Variants in PTPRG observed in about 807,000 individuals in gnomAD.
PTPRG encodes the protein receptor-type tyrosine-protein phosphatase gamma.
In PTPRG, 102 loss-of-function variants were observed where a neutral mutation model predicts 165.3. The ratio of observed to expected loss-of-function variants is 0.62; its 90% CI spans 0.53 to 0.73. The LOEUF (loss-of-function observed/expected upper bound fraction) is 0.73. Ranked by LOEUF, PTPRG falls within the 30% of genes least tolerant of loss-of-function variation. The pLI is 0.00. For synonymous variants in PTPRG, 675 were observed against 669.5 expected (o/e 1.01, Z -0.13); for missense variants, 1,866 against 1,861.4 (o/e 1.00, Z -0.05).
At chr3:61,580,759 A>G (rs969380362) in intron 1 of PTPRG, among the ~76,000 whole-genome samples, 2 of 152,368 alleles carry the variant, frequency 1.3e-5, no homozygotes, top group Non-Finnish European at 1.5e-5. Context: ...GGCTAAGAAT[A>G]AAATAAAAGG....
chr3:61,568,382 T>G (rs558279107), intron 1 of PTPRG, among the ~76,000 whole-genome samples: 35 of 152,294 alleles, frequency 2.3e-4, no homozygotes, highest in Non-Finnish European at 4.4e-4. Context: ...TGAAAAGGAT[T>G]GTTAGGTATA....
intron 1 of PTPRG, among the ~76,000 whole-genome samples, chr3:61,610,685 G>C (rs1380090976): frequency 6.6e-6 from 1 of 152,026 alleles, no homozygotes; most frequent in Non-Finnish European, 1.5e-5. Context: ...TTCACAGGTA[G>C]GTAGTTATTT....
At position 62,030,199 on chromosome 3, in the gene PTPRG, T is replaced by G. The variant is rs531664414; in HGVS notation, c.519+26702T>G. On this transcript the variant is annotated intron_variant, in intron 4 of 29. Coordinates refer to ENST00000474889, the MANE Select transcript of PTPRG (RefSeq NM_002841.4). ...AATGATGGGAAAATTTTCCCTGTGTTTTTTTTTTTTTTTAACTTAAGTCAG... is the reference window on the plus strand; with the variant it reads ...AATGATGGGAAAATTTTCCCTGTGTGTTTTTTTTTTTTTAACTTAAGTCAG... Among the ~76,000 whole-genome samples the G allele has an allele frequency of 1.6e-4, 8 of 50,906 alleles. No individual in the cohort carries two copies. The South Asian group carries it at 3.2e-3, about 20-fold the overall frequency. 33.4% of individuals were successfully genotyped at this position (50,906 alleles called of 152,430 possible).
chr3:62,287,397 G>A (rs903512338), intron 28 of PTPRG, among the ~76,000 whole-genome samples: 1 of 151,926 alleles, frequency 6.6e-6, no homozygotes, highest in South Asian at 2.1e-4. Flanking sequence ...TCATAATAGG[G>A]TATTAAAATA....
chr3:61,874,598 C>T (rs891770358), intron 2 of PTPRG, among the ~76,000 whole-genome samples: 4 of 152,164 alleles, frequency 2.6e-5, no homozygotes, highest in Middle Eastern at 3.4e-3. Context: ...GGTTGATTCC[C>T]AGCCAGGAAT....
intron 4 of PTPRG, among the ~76,000 whole-genome samples, chr3:62,062,617 A>G (rs349178): frequency 0.011 from 1,612 of 152,306 alleles, 34 homozygotes; most frequent in African/African-American, 0.036. Flanking sequence ...AGAAATTACA[A>G]TTATACTAAT....
intron 2 of PTPRG, among the ~76,000 whole-genome samples, chr3:61,954,586 C>T (rs139526658): frequency 7.9e-5 from 12 of 152,204 alleles, no homozygotes; most frequent in Non-Finnish European, 4.4e-5. Context: ...AAAAATGGCA[C>T]AGTATGAGCT....
Position 62,294,678 on chromosome 3 carries a change from G to T in PTPRG, c.*1371G>T, listed in dbSNP as rs535015627. ...TTAATAAGAAATTTCAGTAGTGTTT[G>T]TAAGGAAAATAAGCTACTTACTGAG... On this transcript the variant is annotated 3_prime_UTR_variant, in exon 30 of 30. Transcript: ENST00000474889. 19 of 152,206 alleles carry T rather than the reference G, an allele frequency of 1.2e-4. No individual in the cohort carries two copies. Among genetic ancestry groups the T allele is most frequent in the Admixed American group, 3.3e-4 (5 of 15,274 alleles). 9.4% of individuals were successfully genotyped at this position (152,206 alleles called of 1,614,324 possible). A position where few individuals can be genotyped will look rare whatever the true frequency, so the allele number is the denominator to read the frequency against.
chr3:61,833,081 G>GTGTGTGTGTGTGTGTT (rs1193408848), intron 2 of PTPRG, among the ~76,000 whole-genome samples: 1 of 152,054 alleles, frequency 6.6e-6, no homozygotes, highest in African/African-American at 2.4e-5. Flanking sequence ...GTGTGTGTGT[G>GTGTGTGTGTGTGTGTT]TGTGTGTGTG....
At chr3:61,564,314 C>G (rs1699851772) in intron 1 of PTPRG, among the ~76,000 whole-genome samples, 1 of 152,104 alleles carries the variant, frequency 6.6e-6, no homozygotes, top group South Asian at 2.1e-4. Context: ...GGCTGCCTTG[C>G]AAATTAGAGG....
At chr3:62,262,660 T>G (rs563971645) in intron 16 of PTPRG, 138 bp from the exon 17 acceptor site, 5 of 494,392 alleles carry the variant, frequency 1.0e-5, no homozygotes, top group Non-Finnish European at 1.8e-5. Flanking sequence ...AATATATCAA[T>G]AATTATATCC....
chr3:61,640,390 G>GTGT (rs1288211246), intron 1 of PTPRG, among the ~76,000 whole-genome samples: 4 of 152,174 alleles, frequency 2.6e-5, no homozygotes, highest in African/African-American at 9.7e-5. Flanking sequence ...TTTCTCTCCA[G>GTGT]TGTATATGTG....
intron 2 of PTPRG, among the ~76,000 whole-genome samples, chr3:61,889,667 T>A (rs181983312): frequency 2.6e-5 from 4 of 152,324 alleles, no homozygotes; most frequent in Non-Finnish European, 1.5e-5. Flanking sequence ...CTAATTTACA[T>A]TGTTTTAAAA....
intron 2 of PTPRG, among the ~76,000 whole-genome samples, chr3:61,939,918 AC>A (rs1432335935): frequency 2.7e-5 from 3 of 109,610 alleles, no homozygotes; most frequent in Non-Finnish European, 5.4e-5. Context: ...TGGCTTCCTT[AC>A]TGACTTGTCT....
At chr3:61,954,432 T>C (rs2039987897) in intron 2 of PTPRG, among the ~76,000 whole-genome samples, 1 of 152,158 alleles carries the variant, frequency 6.6e-6, no homozygotes, top group Admixed American at 6.5e-5. Flanking sequence ...CTCAGACTCT[T>C]AGGGCTGGGG....
chr3:61,720,194 G>T (rs1559573572), intron 1 of PTPRG, among the ~76,000 whole-genome samples: 1 of 151,782 alleles, frequency 6.6e-6, no homozygotes, highest in Non-Finnish European at 1.5e-5. Flanking sequence ...CAGGATCTTG[G>T]CTCACCACTG....
chr3:62,116,426 A>C (rs540035450), intron 5 of PTPRG, among the ~76,000 whole-genome samples: 1 of 152,362 alleles, frequency 6.6e-6, no homozygotes, highest in East Asian at 1.9e-4. Flanking sequence ...ATAATTTACC[A>C]TAAACACAGC....
intron 2 of PTPRG, among the ~76,000 whole-genome samples, chr3:61,779,736 TC>T (rs2034489519): frequency 6.6e-6 from 1 of 152,202 alleles, no homozygotes; most frequent in East Asian, 1.9e-4. Context: ...GCTGTTAATA[TC>T]CCACCCACAT....
chr3:61,908,536 A>T (rs1051178593), intron 2 of PTPRG, among the ~76,000 whole-genome samples: 1 of 151,984 alleles, frequency 6.6e-6, no homozygotes, highest in Non-Finnish European at 1.5e-5. Flanking sequence ...GGACGTGGTT[A>T]GAGTTTGAGT....
Sources: gnomAD v4.1 joint callset for allele counts (sites outside exome capture counted in the v4.1 genomes callset) on GRCh38, gnomAD v4.1.1 for gene constraint, MANE v1.5 for transcripts, NCBI Gene and HGNC (gene_info 2026-07-23, HGNC 2026-07-21) for gene names.